Variants in ALDH18A1 observed in about 807,000 individuals in gnomAD.
ALDH18A1 encodes the protein delta-1-pyrroline-5-carboxylate synthase.
Under a neutral mutation model 88.8 loss-of-function variants are expected in ALDH18A1, and 44 were observed. That is an observed-to-expected ratio of 0.50 (90% CI 0.39 to 0.64). The LOEUF (loss-of-function observed/expected upper bound fraction) is 0.64. Ranked by LOEUF, ALDH18A1 falls within the 30% of genes least tolerant of loss-of-function variation. ALDH18A1 has a pLI of 0.00. For missense variants in ALDH18A1, 782 were observed against 1,009.5 expected, an observed-to-expected ratio of 0.77 and a Z score of 3.05; for synonymous variants, 331 against 372.1, an observed-to-expected ratio of 0.89 and a Z score of 1.27.
In ALDH18A1 at chr10:95,616,633, G is replaced by A. The variant is rs1328312299; in HGVS notation, c.1468-19C>T. The A allele has an allele frequency of 6.3e-7, 1 of 1,599,340 alleles. No individual in the cohort carries two copies. On this transcript the variant is annotated intron_variant, in intron 12 of 17. Transcript: ENST00000371224. Reference sequence around the variant, plus strand: ...CTGCCACCTGCAGATCAAAGGGAGAGCAGTGGATCAAAGGAGACAAACAGT... The same window carrying A: ...CTGCCACCTGCAGATCAAAGGGAGAACAGTGGATCAAAGGAGACAAACAGT...
At position 95,637,358 on chromosome 10, in the gene ALDH18A1, G is replaced by A. The variant is rs1305993720; in HGVS notation, c.382C>T (p.Arg128Cys). The A allele has an allele frequency of 1.2e-6, 2 of 1,614,208 alleles. No homozygotes were observed. The highest frequency in any genetic ancestry group is 1.7e-6 in the Non-Finnish European group (2 of 1,180,038). Residue 128 changes from arginine to cysteine, a missense_variant, in exon 4 of 18, where the codon CGC becomes TGC. By Grantham distance (180) the Arg-to-Cys change is radical. Around this residue, in one of 3 missense-constraint regions of ALDH18A1, gnomAD observed 132 missense variants for 255.5 expected, o/e 0.52. Transcript: ENST00000371224. ...CTCTGAGACAGAAGGATCTCATGGC[G>A]CAAGCGTTGTTTGCCAAAGGCTACG... is the stretch of plus-strand genomic sequence containing the variant. The part of the protein sequence containing the change: ...GAVAFGKQRL[R>C]HEILLSQSVR...
chr10:95,654,311 C>T (rs1275166917), intron 1 of ALDH18A1, among the ~76,000 whole-genome samples: 2 of 151,974 alleles, frequency 1.3e-5, no homozygotes, highest in African/African-American at 2.4e-5. Context: ...ACTACAGGCA[C>T]GCGCTACCAT....
In ALDH18A1 at chr10:95,621,202, T is replaced by C. The variant is rs957992629; in HGVS notation, c.1296A>G (p.Lys432=). The change falls in exon 12 of 18, where the codon AAA becomes AAG. Residue 432 remains lysine (K), a synonymous_variant. Transcript: ENST00000371224. ...LLKRLSLSTS[K]LNSLAIGLRQ... ...GCAGACCGATGGCCAGGCTGTTCAATTTGGATGTGGAGAGGCTTAAACGTT... is the reference window on the plus strand; with the variant it reads ...GCAGACCGATGGCCAGGCTGTTCAACTTGGATGTGGAGAGGCTTAAACGTT... The C allele has an allele frequency of 1.9e-6, 3 of 1,613,954 alleles. No individual in the cohort carries two copies. Among genetic ancestry groups the C allele is most frequent in the Non-Finnish European group, 2.5e-6 (3 of 1,179,996 alleles).
rs113674922 is a variant in ALDH18A1 at position 95,626,309 on chromosome 10, C to T, written c.1152+394G>A. ...TTAGACTAATTCAAGCCAGACAGGT[C>T]AGGGCTACCAACTATGGAGCAGGCT... is the stretch of plus-strand genomic sequence containing the variant. On this transcript the variant is annotated intron_variant, in intron 10 of 17. Transcript: ENST00000371224. Among the ~76,000 whole-genome samples, 456 of 152,246 alleles carry T rather than the reference C, an allele frequency of 3.0e-3. 3 individuals carry two copies. The highest frequency in any genetic ancestry group is 8.9e-3 in the African/African-American group (371 of 41,550).
chr10:95,617,698 T>G (rs968943652), intron 12 of ALDH18A1, among the ~76,000 whole-genome samples: 8 of 152,208 alleles, frequency 5.3e-5, no homozygotes, highest in African/African-American at 1.7e-4. Context: ...GATTCATGGA[T>G]TCTGTGAAAC....
intron 7 of ALDH18A1, chr10:95,628,781 C>T (rs1030750930): frequency 2.5e-6 from 1 of 407,344 alleles, no homozygotes; most frequent in Non-Finnish European, 4.6e-6. Flanking sequence ...GCCCATATTC[C>T]TGGCAAGGTG....
intron 2 of ALDH18A1, 85 bp downstream of exon 2, chr10:95,653,205 A>T: frequency 7.7e-7 from 1 of 1,293,110 alleles, no homozygotes; most frequent in Non-Finnish European, 1.1e-6. Flanking sequence ...ACAAACAAAC[A>T]TCTTTTTTCT....
intron 12 of ALDH18A1, among the ~76,000 whole-genome samples, chr10:95,620,659 CTT>C (rs1036949171): frequency 9.2e-5 from 14 of 151,980 alleles, no homozygotes; most frequent in African/African-American, 2.9e-4. Flanking sequence ...GCATGATTCT[CTT>C]GAGAGAATCT....
chr10:95,634,315 G>T (rs987002815), intron 5 of ALDH18A1, among the ~76,000 whole-genome samples: 1 of 151,978 alleles, frequency 6.6e-6, no homozygotes, highest in Non-Finnish European at 1.5e-5. Context: ...TGTTGTCCAC[G>T]CTGGACTTGA....
intron 12 of ALDH18A1, among the ~76,000 whole-genome samples, chr10:95,620,088 C>T (rs184782377): frequency 1.1e-3 from 169 of 152,112 alleles, no homozygotes; most frequent in Non-Finnish European, 1.8e-3. Flanking sequence ...AACAAATTTA[C>T]GAGAAAAAAA....
At chr10:95,656,320 G>C (rs901664605) in intron 1 of ALDH18A1, 2 of 152,418 alleles carry the variant, frequency 1.3e-5, no homozygotes, top group African/African-American at 2.4e-5. Flanking sequence ...GGGGAGGTCA[G>C]GGCCCGTAGC....
chr10:95,636,636 G>C (rs1423231675), intron 5 of ALDH18A1, among the ~76,000 whole-genome samples: 1 of 152,082 alleles, frequency 6.6e-6, no homozygotes, highest in Non-Finnish European at 1.5e-5. Flanking sequence ...CCAATCACCA[G>C]CATTCCTCTT....
intron 2 of ALDH18A1, among the ~76,000 whole-genome samples, chr10:95,652,829 T>C (rs1023891117): frequency 6.6e-6 from 1 of 152,194 alleles, no homozygotes; most frequent in Non-Finnish European, 1.5e-5. Flanking sequence ...GCCTCCTTGC[T>C]ATTTGGCAGA....
intron 11 of ALDH18A1, among the ~76,000 whole-genome samples, chr10:95,624,821 T>A (rs2097858172): frequency 6.6e-6 from 1 of 152,228 alleles, no homozygotes; most frequent in Non-Finnish European, 1.5e-5. Flanking sequence ...CTGCACAAAC[T>A]ATTTCTACAA....
At chr10:95,632,566 A>C (rs982881265) in intron 7 of ALDH18A1, among the ~76,000 whole-genome samples, 3 of 152,052 alleles carry the variant, frequency 2.0e-5, no homozygotes, top group African/African-American at 7.2e-5. Flanking sequence ...GACTCACTAT[A>C]TTACCCAGGT....
At chr10:95,635,725 A>C (rs1177405300) in intron 5 of ALDH18A1, among the ~76,000 whole-genome samples, 1 of 152,152 alleles carries the variant, frequency 6.6e-6, no homozygotes, top group East Asian at 1.9e-4. Flanking sequence ...CTCTTCTTTC[A>C]CTCAATGTAA....
At chr10:95,640,702 T>G (rs1362227249) in intron 3 of ALDH18A1, among the ~76,000 whole-genome samples, 1 of 152,192 alleles carries the variant, frequency 6.6e-6, no homozygotes, top group Admixed American at 6.5e-5. Context: ...CCAGTTTAAG[T>G]TGGCTCCTGA....
rs369189194 is a variant in ALDH18A1 at position 95,654,666 on chromosome 10, A to G, written c.-28-1261T>C. Among the ~76,000 whole-genome samples the G allele has an allele frequency of 4.6e-5, 7 of 151,212 alleles. No homozygotes were observed. In the East Asian group the frequency reaches 9.7e-4, roughly 21 times the overall value. ...AAGGCACTGAAATGGGACAGAGAAG[A>G]GACTGGCAGGATGCAGCTGTTCTAA... On this transcript the variant is annotated intron_variant, in intron 1 of 17. Coordinates refer to ENST00000371224, the MANE Select transcript of ALDH18A1 (RefSeq NM_002860.4).
Position 95,606,001 on chromosome 10 carries a change from C to G in ALDH18A1, c.*761G>C, listed in dbSNP as rs909561961. The G allele has an allele frequency of 6.5e-6, 1 of 153,258 alleles. No homozygotes were observed. The highest frequency in any genetic ancestry group is 6.5e-5 in the Admixed American group (1 of 15,278). 9.5% of individuals were successfully genotyped at this position (153,258 alleles called of 1,614,324 possible). A position where few individuals can be genotyped will look rare whatever the true frequency, so the allele number is the denominator to read the frequency against. On this transcript the variant is annotated 3_prime_UTR_variant, in exon 18 of 18. Transcript: ENST00000371224. ...AAGAATCCAAAGTATTAAAATAATC[C>G]TCTAATTTTTGTTTTGGAGGAAAAG...
Sources: gnomAD v4.1 joint callset for allele counts (sites outside exome capture counted in the v4.1 genomes callset) on GRCh38, gnomAD v4.1.1 for gene constraint, gnomAD v4.1.1 regional missense constraint, MANE v1.5 for transcripts, NCBI Gene and HGNC (gene_info 2026-07-23, HGNC 2026-07-21) for gene names.